AP2B1: variants seen among roughly 807,000 people sequenced by gnomAD.
AP2B1 encodes the protein adaptor related protein complex 2 subunit beta 1.
In AP2B1, 23 loss-of-function variants were observed where a neutral mutation model predicts 102.0. The ratio of observed to expected loss-of-function variants is 0.23; its 90% CI spans 0.16 to 0.32. AP2B1 has a LOEUF of 0.32. Ranked by LOEUF, AP2B1 falls within the 10% of genes least tolerant of loss-of-function variation. AP2B1 has a pLI of 1.00. For missense variants in AP2B1, 541 were observed against 1,157.4 expected (o/e 0.47, Z 7.73); for synonymous variants, 381 against 421.2 (o/e 0.90, Z 1.17).
At chr17:35,607,646 T>C (rs909684784) in intron 4 of AP2B1, among the ~76,000 whole-genome samples, 1 of 152,228 alleles carries the variant, frequency 6.6e-6, no homozygotes, top group African/African-American at 2.4e-5. Context: ...CAGGTACTTA[T>C]TTCAAGCCCA....
At chr17:35,629,988 A>G (rs900514969) in intron 9 of AP2B1, among the ~76,000 whole-genome samples, 1 of 152,158 alleles carries the variant, frequency 6.6e-6, no homozygotes, top group Non-Finnish European at 1.5e-5. Context: ...TGTTCTTGCT[A>G]CTTGATTATA....
chr17:35,593,040 CT>C (rs1281982852), intron 1 of AP2B1, among the ~76,000 whole-genome samples: 1 of 152,134 alleles, frequency 6.6e-6, no homozygotes, highest in Non-Finnish European at 1.5e-5. Flanking sequence ...GATCCACGTT[CT>C]TTTGTTTCAA....
Position 35,650,512 on chromosome 17 carries a change from C to T in AP2B1, c.1537-18C>T. The T allele has an allele frequency of 6.2e-7, 1 of 1,611,676 alleles. No individual in the cohort carries two copies. The highest frequency in any genetic ancestry group is 8.5e-7 in the Non-Finnish European group (1 of 1,178,682). ...GAACAGTTTCATCTCCACCTCCTTG[C>T]CTTTGCCTTTTCTTTAGGATTCTGA... On this transcript the variant is annotated intron_variant, in intron 12 of 21. Coordinates refer to ENST00000610402, the MANE Select transcript of AP2B1 (RefSeq NM_001030006.2).
chr17:35,606,681 G>T (rs2073687599), intron 4 of AP2B1, among the ~76,000 whole-genome samples: 1 of 151,894 alleles, frequency 6.6e-6, no homozygotes, highest in Admixed American at 6.6e-5. Flanking sequence ...CATATTTTCT[G>T]ACCTCCAACC....
chr17:35,619,613 G>T (rs2074117804), intron 5 of AP2B1, among the ~76,000 whole-genome samples: 1 of 151,968 alleles, frequency 6.6e-6, no homozygotes, highest in African/African-American at 2.4e-5. Context: ...TACATGTGCT[G>T]CTTTTATATA....
chr17:35,657,726 G>A lies in AP2B1; in HGVS notation c.1924G>A (p.Val642Met). 1 of 1,614,194 alleles carries A rather than the reference G, an allele frequency of 6.2e-7. No individual in the cohort carries two copies. Among genetic ancestry groups the A allele is most frequent in the Non-Finnish European group, 8.5e-7 (1 of 1,180,034 alleles). ...CCTTGACCTCGGTCCCCCAGTCAATGTGCCACAGGTGTCCTCCATGCAGAT... is the reference window on the plus strand; with the variant it reads ...CCTTGACCTCGGTCCCCCAGTCAATATGCCACAGGTGTCCTCCATGCAGAT... ...LNLDLGPPVN[V>M]PQVSSMQMGA... The change falls in exon 14 of 22, where the codon GTG becomes ATG. Residue 642 changes from valine to methionine, a missense_variant. Around this residue, in one of 10 missense-constraint regions of AP2B1, gnomAD observed 27 missense variants for 84.1 expected, o/e 0.32. Transcript: ENST00000610402.
chr17:35,637,678 G>A (rs2074647247), intron 10 of AP2B1, among the ~76,000 whole-genome samples: 1 of 142,568 alleles, frequency 7.0e-6, no homozygotes, highest in Admixed American at 7.5e-5. Context: ...AAAGAAGAGG[G>A]TCGGTTTCTA....
intron 21 of AP2B1, among the ~76,000 whole-genome samples, chr17:35,720,184 G>C (rs2085315134): frequency 6.6e-6 from 1 of 152,056 alleles, no homozygotes. Flanking sequence ...AAAAGGCAAA[G>C]AGTAATGCCG....
intron 5 of AP2B1, among the ~76,000 whole-genome samples, chr17:35,615,219 G>A (rs2073980751): frequency 6.6e-6 from 1 of 152,166 alleles, no homozygotes; most frequent in South Asian, 2.1e-4. Context: ...CTTTGAACAA[G>A]TTATTTAAAA....
intron 9 of AP2B1, among the ~76,000 whole-genome samples, chr17:35,633,101 G>T (rs748775728): frequency 6.6e-6 from 1 of 152,040 alleles, no homozygotes; most frequent in Admixed American, 6.6e-5. Flanking sequence ...GGTGGCTCAT[G>T]CCTCTAATCC....
At chr17:35,669,385 G>T (rs531836562) in intron 14 of AP2B1, among the ~76,000 whole-genome samples, 1 of 152,072 alleles carries the variant, frequency 6.6e-6, no homozygotes, top group South Asian at 2.1e-4. Flanking sequence ...CTCATGATCC[G>T]CTCACCTTGG....
In AP2B1 at chr17:35,715,270, A is replaced by G. The variant is rs587712572; in HGVS notation, c.2627-1925A>G. On this transcript the variant is annotated intron_variant, in intron 20 of 21. Coordinates refer to ENST00000610402, the MANE Select transcript of AP2B1 (RefSeq NM_001030006.2). ...TGCTTATTCTTCCTGGCTGTTTGGC[A>G]TGTTTTCTAATTCTAGAAGAGTGAG... is the stretch of plus-strand genomic sequence containing the variant. Among the ~76,000 whole-genome samples the G allele has an allele frequency of 7.2e-5, 11 of 152,344 alleles. No individual in the cohort carries two copies. The East Asian group carries it at 1.7e-3, about 24-fold the overall frequency.
At chr17:35,595,439 T>C (rs780801507) in intron 2 of AP2B1, among the ~76,000 whole-genome samples, 3 of 152,044 alleles carry the variant, frequency 2.0e-5, no homozygotes, top group Non-Finnish European at 4.4e-5. Flanking sequence ...CCCAGCTATT[T>C]GGGAGGCTGA....
intron 17 of AP2B1, among the ~76,000 whole-genome samples, chr17:35,674,566 A>G (rs2075659928): frequency 6.6e-6 from 1 of 152,168 alleles, no homozygotes; most frequent in African/African-American, 2.4e-5. Flanking sequence ...TGAGCTGAGC[A>G]TGGTGGCAGG....
At position 35,637,831 on chromosome 17, in the gene AP2B1, G is replaced by C. The variant is rs575172129; in HGVS notation, c.1271+1375G>C. Among the ~76,000 whole-genome samples the C allele has an allele frequency of 3.6e-4, 54 of 151,354 alleles. 1 individual carries two copies. The highest frequency in any genetic ancestry group is 1.1e-3 in the African/African-American group (44 of 41,242). ...TCCCGAGTAGCTGGGATTACAGGTG[G>C]CTGCCACCACACCCGGCTAATTTTT... On this transcript the variant is annotated intron_variant, in intron 10 of 21. Transcript: ENST00000610402.
At chr17:35,706,293 G>A (rs1405354766) in intron 18 of AP2B1, among the ~76,000 whole-genome samples, 3 of 152,210 alleles carry the variant, frequency 2.0e-5, no homozygotes, top group Non-Finnish European at 4.4e-5. Context: ...AAAGGCTCCT[G>A]TTGGCATAAG....
chr17:35,719,337 A>C (rs1334865969), intron 21 of AP2B1, among the ~76,000 whole-genome samples: 2 of 151,986 alleles, frequency 1.3e-5, no homozygotes, highest in Admixed American at 6.6e-5. Context: ...CAGAGTCCAG[A>C]CACAGACTTG....
intron 16 of AP2B1, among the ~76,000 whole-genome samples, chr17:35,672,851 C>G (rs2075617665): frequency 6.6e-6 from 1 of 152,108 alleles, no homozygotes; most frequent in Non-Finnish European, 1.5e-5. Flanking sequence ...ATTGTCTCCC[C>G]CTGCCCCCAT....
chr17:35,693,616 A>G (rs2142999687), intron 18 of AP2B1, among the ~76,000 whole-genome samples: 1 of 152,326 alleles, frequency 6.6e-6, no homozygotes, highest in Admixed American at 6.5e-5. Context: ...AATCAGTTAT[A>G]GTTTGGAGAC....
Sources: gnomAD v4.1 joint callset for allele counts (sites outside exome capture counted in the v4.1 genomes callset) on GRCh38, gnomAD v4.1.1 for gene constraint, gnomAD v4.1.1 regional missense constraint, MANE v1.5 for transcripts, NCBI Gene and HGNC (gene_info 2026-07-23, HGNC 2026-07-21) for gene names.